Variants in FGA observed in about 807,000 individuals in gnomAD.
FGA encodes fibrinogen alpha chain, also known as fibrinogen, A alpha polypeptide.
Under a neutral mutation model 20.3 loss-of-function variants are expected in FGA, and 20 were observed. The ratio of observed to expected loss-of-function variants is 0.99; its 90% confidence interval spans 0.69 to 1.43. The LOEUF (loss-of-function observed/expected upper bound fraction) is 1.43, where lower values mean the gene tolerates loss of function less well. Among genes scored for constraint, FGA ranks in the 40% most tolerant of loss-of-function variants. FGA has a pLI of 0.00. For synonymous variants in FGA, 306 were observed against 281.6 expected, an observed-to-expected ratio of 1.09 and a Z score of -0.87; for missense variants, 777 against 784.7, an observed-to-expected ratio of 0.99 and a Z score of 0.12.
In FGA at chr4:154,586,653, A is replaced by T; in HGVS notation, c.776T>A (p.Met259Lys). 6.2e-7 allele frequency: 1 copy of T among 1,614,194 alleles called. No individual in the cohort carries two copies. The highest frequency in any genetic ancestry group is 1.1e-5 in the South Asian group (1 of 91,086). ...KALTDMPQMR[M>K]ELERPGGNEI... The stretch of plus-strand genomic sequence containing the variant: ...ATTTCCACCAGGTCTCTCTAACTCC[A>T]TTCTCATCTGCGGCATGTCTGTTAA... Residue 259 changes from methionine to lysine, a missense_variant, in exon 5 of 5, where the codon ATG becomes AAG. Physicochemically the swap from Met to Lys is moderately conservative, Grantham distance 95 (BLOSUM62 -1). Coordinates refer to ENST00000403106, the MANE Select transcript of FGA (RefSeq NM_021871.4).
downstream of FGA, chr4:154,585,112 A>C (rs1441628121): frequency 5.7e-6 from 4 of 696,540 alleles, no homozygotes; most frequent in East Asian, 1.4e-4. Flanking sequence ...CAGGTAGCTA[A>C]GCATCACTTA....
Position 154,588,858 on chromosome 4 carries a change from TTA to T in FGA, c.297_298del (p.Asn99LysfsTer9). The T allele has an allele frequency of 6.2e-7, 1 of 1,612,480 alleles. No individual in the cohort carries two copies. On this transcript the variant is annotated frameshift_variant, in exon 3 of 5. Coordinates refer to ENST00000403106, the MANE Select transcript of FGA (RefSeq NM_021871.4). LOFTEE classifies it high-confidence loss of function. ...ATTAGTGGTCAACGAATGAGAATCC[TTA>T]TTGTTCTTCTGATATTCAAATAGTG...
At chr4:154,587,348 T>G (rs112084186) in intron 4 of FGA, among the ~76,000 whole-genome samples, 164 bp downstream of exon 4, 2 of 152,300 alleles carry the variant, frequency 1.3e-5, no homozygotes, top group Admixed American at 6.5e-5. Flanking sequence ...ATCTCTGAAT[T>G]TTTTTTCTTC....
intron 1 of FGA, among the ~76,000 whole-genome samples, chr4:154,590,315 G>A (rs1045477127): frequency 2.0e-5 from 3 of 152,156 alleles, no homozygotes; most frequent in Admixed American, 6.5e-5. Context: ...AATGCACCAA[G>A]GCTTTATAGG....
chr4:154,586,917 A>G lies in FGA; in HGVS notation c.512T>C (p.Val171Ala). ...AGATCGGATCTTAATATCAATGTCC[A>G]CCTAGAGAGAGGGGAGAAAAATAAA... ...AQLVDMKRLE[V>A]DIDIKIRSCR... The change falls in exon 5 of 5, where the codon GTG (valine) becomes GCG (alanine). Residue 171 changes from valine (V) to alanine (A), a missense_variant and splice_region_variant. By Grantham distance (64) the Val-to-Ala change is moderately conservative. Transcript: ENST00000403106. 1 of 1,613,354 alleles carries G rather than the reference A, an allele frequency of 6.2e-7. No individual in the cohort carries two copies. Among genetic ancestry groups the G allele is most frequent in the African/African-American group, 1.3e-5 (1 of 75,032 alleles).
intron 3 of FGA, 88 bp from the exon 4 acceptor site, chr4:154,587,745 G>GAAAGAA (rs758873385): frequency 1.9e-6 from 1 of 513,616 alleles, no homozygotes; most frequent in African/African-American, 2.4e-5. Flanking sequence ...AGGAAGGAAG[G>GAAAGAA]AGAAAGAAAG....
intron 4 of FGA, 75 bp downstream of exon 4, chr4:154,587,435 ACT>A (rs1167170592): frequency 7.8e-7 from 1 of 1,274,890 alleles, no homozygotes; most frequent in Non-Finnish European, 1.1e-6. Flanking sequence ...TATAGTAGAC[ACT>A]CAGTGCATAA....
At chr4:154,584,359 T>C (rs374692754), downstream of FGA, 1 of 1,614,044 alleles carries the variant, frequency 6.2e-7, no homozygotes, top group Non-Finnish European at 8.5e-7. Context: ...TGCATCCCTG[T>C]CAAAGGTGCT....
At chr4:154,585,212 T>G (rs1010567603), downstream of FGA, 1 of 1,311,056 alleles carries the variant, frequency 7.6e-7, no homozygotes, top group Non-Finnish European at 9.8e-7. Flanking sequence ...ACAATTCTAA[T>G]AGCACACACT....
Position 154,588,851 on chromosome 4 carries a change from A to C in FGA, c.306T>G (p.Ser102=). Residue 102 remains serine, a synonymous_variant, in exon 3 of 5, where the codon TCT becomes TCG. Coordinates refer to ENST00000403106, the MANE Select transcript of FGA (RefSeq NM_021871.4). ...LFEYQKNNKD[S]HSLTTNIMEI... ...CCATTATATTAGTGGTCAACGAATGAGAATCCTTATTGTTCTTCTGATATT... is the reference window on the plus strand; with the variant it reads ...CCATTATATTAGTGGTCAACGAATGCGAATCCTTATTGTTCTTCTGATATT... The C allele has an allele frequency of 6.2e-7, 1 of 1,612,550 alleles. No homozygotes were observed. Among genetic ancestry groups the C allele is most frequent in the Non-Finnish European group, 8.5e-7 (1 of 1,179,042 alleles).
At position 154,585,734 on chromosome 4, in the gene FGA, A is replaced by C. The variant is rs1186180204; in HGVS notation, c.1695T>G (p.Pro565=). The change falls in exon 5 of 5, where the codon CCT becomes CCG. Residue 565 remains proline (P), a synonymous_variant. Coordinates refer to ENST00000403106, the MANE Select transcript of FGA (RefSeq NM_021871.4). ...TNTKESSSHH[P]GIAEFPSRGK... ...CACGGGAAGGGAATTCAGCTATCCC[A>C]GGGTGATGAGAACTGGATTCCTTTG... 6.2e-7 allele frequency: 1 copy of C among 1,614,200 alleles called. No individual in the cohort carries two copies. Among genetic ancestry groups the C allele is most frequent in the African/African-American group, 1.3e-5 (1 of 75,056 alleles).
At chr4:154,584,865 T>C, downstream of FGA, 1 of 1,477,528 alleles carries the variant, frequency 6.8e-7, no homozygotes, top group Non-Finnish European at 9.4e-7. Flanking sequence ...TTGGAAGAAG[T>C]TATTCTCATT....
At chr4:154,585,087 A>C (rs2070020), downstream of FGA, among the ~76,000 whole-genome samples, 261 of 152,360 alleles carry the variant, frequency 1.7e-3, 1 homozygote, top group Non-Finnish European at 2.5e-3. Flanking sequence ...ACAAACTAAT[A>C]GCAAGTAACC....
chr4:154,587,727 A>G, intron 3 of FGA, 70 bp from the exon 4 acceptor site: 1 of 997,396 alleles, frequency 1.0e-6, no homozygotes, highest in Non-Finnish European at 1.6e-6. Context: ...CAAAAAAGAA[A>G]GGAAGAAAGG....
At chr4:154,584,891 A>G, downstream of FGA, 2 of 1,282,818 alleles carry the variant, frequency 1.6e-6, no homozygotes, top group Non-Finnish European at 2.2e-6. Flanking sequence ...TTACAAAGAT[A>G]GGCACGGCTC....
At chr4:154,583,183 A>G (rs1730629328), downstream of FGA, 1 of 152,198 alleles carries the variant, frequency 6.6e-6, no homozygotes, top group African/African-American at 2.4e-5. Context: ...TCTTAATAGA[A>G]AAGGATACAA....
Position 154,587,015 on chromosome 4 carries a change from G to A in FGA, c.511-97C>T. The A allele has an allele frequency of 2.3e-6, 3 of 1,307,226 alleles. No homozygotes were observed. The South Asian group carries it at 3.7e-5, about 16-fold the overall frequency. The allele number at this position is 1,307,226 out of a possible 1,614,324, so 81.0% of individuals were successfully genotyped here. On this transcript the variant is annotated intron_variant, in intron 4 of 4. Transcript: ENST00000403106. ...GTAGTTAATTTTCCTTCTGGAAACT[G>A]GTTTCATTTTTTTTGACTCGGAGAC...
rs760776311 is a variant in FGA, at chr4:154,586,346, A to AACGCGG, written c.1082_1083insCCGCGT (p.Asn361_Pro362insArgVal). On this transcript the variant is annotated inframe_insertion, in exon 5 of 5. Transcript: ENST00000403106. ...CACTTCCGCGTTCAGAGCTGCCAGG[A>AACGCGG]TTCCAGGTTCCGGTACTACCAGGTC... 1.9e-6 allele frequency: 3 copies of AACGCGG among 1,614,138 alleles called. No individual in the cohort carries two copies. The highest frequency in any genetic ancestry group is 1.3e-5 in the African/African-American group (1 of 75,026).
chr4:154,590,621 A>G lies in FGA; in HGVS notation c.54+13T>C, dbSNP rs539679125. The G allele has an allele frequency of 1.9e-5, 30 of 1,551,968 alleles. No individual in the cohort carries two copies. The African/African-American group carries it at 2.5e-4, about 13-fold the overall frequency. On this transcript the variant is annotated intron_variant, in intron 1 of 4. Transcript: ENST00000403106. Reference sequence around the variant, plus strand: ...AGAGAGAAAGCAAGAAGAAAAAATGAAAAGGGCCATACCCATGCTGTGCCC... The same window carrying G: ...AGAGAGAAAGCAAGAAGAAAAAATGGAAAGGGCCATACCCATGCTGTGCCC...
Sources: gnomAD v4.1 joint callset for allele counts (sites outside exome capture counted in the v4.1 genomes callset) on GRCh38, gnomAD v4.1.1 for gene constraint, MANE v1.5 for transcripts, NCBI Gene and HGNC (gene_info 2026-07-23, HGNC 2026-07-21) for gene names.